The following TECPR1 variants were observed in gnomAD, a reference collection of about 807,000 sequenced individuals.
TECPR1 encodes tectonin beta-propeller repeat containing 1.
In TECPR1, 122 loss-of-function variants were observed where a neutral mutation model predicts 162.4. That is an observed-to-expected ratio of 0.75 (90% CI 0.65 to 0.87). The LOEUF (loss-of-function observed/expected upper bound fraction) is 0.87, where lower values mean the gene tolerates loss of function less well. Among genes scored for constraint, TECPR1 ranks in the 40% least tolerant of loss-of-function variants. The probability of loss-of-function intolerance (pLI) is 0.00; values close to 1 mark genes in which losing one functional copy is unlikely to be tolerated. For missense variants in TECPR1, 1,432 were observed against 1,618.2 expected (o/e 0.88, Z 1.97); for synonymous variants, 642 against 670.6 (o/e 0.96, Z 0.66).
intron 16 of TECPR1, 58 bp from the exon 17 acceptor site, chr7:98,228,174 G>T: frequency 1.5e-6 from 2 of 1,344,194 alleles, no homozygotes; most frequent in Non-Finnish European, 2.1e-6. Context: ...TGGGACTCTG[G>T]CTTTCCGTCT....
In TECPR1 at chr7:98,241,066, C is replaced by T; in HGVS notation, c.832+4G>A. 6.2e-7 allele frequency: 1 copy of T among 1,601,756 alleles called. No homozygotes were observed. The highest frequency in any genetic ancestry group is 2.2e-5 in the East Asian group (1 of 44,486). On this transcript the variant is annotated splice_donor_region_variant and intron_variant, in intron 7 of 25. Transcript: ENST00000447648. This position sits in a 1 kb window ranked among gnomAD's most constrained non-coding sequence, Gnocchi z 5.0. ...TATGTGGGTGGGGGAGCCGGGCTGC[C>T]CACCTTTGGGATTGCTCCTGTTGAT...
At chr7:98,249,760 G>C (rs1241984309) in intron 2 of TECPR1, among the ~76,000 whole-genome samples, 1 of 152,098 alleles carries the variant, frequency 6.6e-6, no homozygotes, top group African/African-American at 2.4e-5. Flanking sequence ...GACCAGCCTG[G>C]CCAACACGGT....
chr7:98,233,695 G>A lies in TECPR1; in HGVS notation c.1398C>T (p.Gly466=), dbSNP rs1798516178. 3 of 1,610,236 alleles carry A rather than the reference G, an allele frequency of 1.9e-6. No individual in the cohort carries two copies. In the East Asian group the frequency reaches 6.7e-5, roughly 36 times the overall value. The change falls in exon 11 of 26, where the codon GGC becomes GGT. Residue 466 remains glycine (G), a synonymous_variant. Transcript: ENST00000447648. ...DTVEDACPAE[G]SREARPNTHP... The stretch of plus-strand genomic sequence containing the variant: ...GCGTGTTGGGTCTGGCCTCCCTGCT[G>A]CCCTCGGCTGGGCAGGCATCTTCCA...
intron 5 of TECPR1, among the ~76,000 whole-genome samples, chr7:98,243,920 G>A (rs371010276): frequency 3.2e-4 from 49 of 152,284 alleles, no homozygotes; most frequent in East Asian, 2.9e-3. Flanking sequence ...AAAGTTAACC[G>A]GGCATGGTGG....
In TECPR1 at chr7:98,244,946, C is replaced by A; in HGVS notation, c.347G>T (p.Trp116Leu). 5.6e-6 allele frequency: 9 copies of A among 1,613,028 alleles called. No homozygotes were observed. The highest frequency in any genetic ancestry group is 7.6e-6 in the Non-Finnish European group (9 of 1,179,878). Residue 116 changes from tryptophan to leucine, a missense_variant, in exon 4 of 26, where the codon TGG becomes TTG. Transcript: ENST00000447648. ...CACGTACCAGTCAGACTCCCACTCC[C>A]AGTGCGGCGAGGGCAGTGCCACCCT... ...LDRVALPSPHWEWESDWYVDE... is the reference protein window; with the variant it reads ...LDRVALPSPHLEWESDWYVDE...
chr7:98,216,561 T>G lies in TECPR1; in HGVS notation c.*829A>C, dbSNP rs74427258. The G allele has an allele frequency of 1.8e-4, 6 of 33,718 alleles. No homozygotes were observed. The highest frequency in any genetic ancestry group is 6.7e-4 in the Admixed American group (3 of 4,464). 2.1% of individuals were successfully genotyped at this position (33,718 alleles called of 1,614,324 possible). A position where few individuals can be genotyped will look rare whatever the true frequency, so the allele number is the denominator to read the frequency against. ...AATCTGCTGTCTCCTTCCTTCACTT[T>G]TTTTTTTTTTTTTTTTTGAGATGGA... On this transcript the variant is annotated 3_prime_UTR_variant, in exon 26 of 26. Coordinates refer to ENST00000447648, the MANE Select transcript of TECPR1 (RefSeq NM_015395.3).
chr7:98,244,804 G>C (rs1267645138), intron 4 of TECPR1, 81 bp downstream of exon 4: 3 of 1,587,362 alleles, frequency 1.9e-6, no homozygotes, highest in Admixed American at 1.7e-5. Flanking sequence ...GGCACCACAG[G>C]GTGCAGGGGA....
At position 98,231,152 on chromosome 7, in the gene TECPR1, G is replaced by A. The variant is rs553608798; in HGVS notation, c.2125-34C>T. 6.9e-6 allele frequency: 11 copies of A among 1,601,492 alleles called. No homozygotes were observed. In the East Asian group the frequency reaches 2.5e-4, roughly 36 times the overall value. On this transcript the variant is annotated intron_variant, in intron 14 of 25. Coordinates refer to ENST00000447648, the MANE Select transcript of TECPR1 (RefSeq NM_015395.3). ...GCACAATGCCGGTCACTGCTGAGCA[G>A]GCCAGGCCAGGCCAGGCCACCCCAC...
In TECPR1 at chr7:98,221,867, G is replaced by A. The variant is rs1004953894; in HGVS notation, c.3065-114C>T. ...TCGGATGTGTAGCCTGGTGTCAGCT[G>A]TGTGCCACACAGAGCTGACACGTGC... On this transcript the variant is annotated intron_variant, in intron 22 of 25. Coordinates refer to ENST00000447648, the MANE Select transcript of TECPR1 (RefSeq NM_015395.3). 5.1e-6 allele frequency: 4 copies of A among 780,328 alleles called. No individual in the cohort carries two copies. In the African/African-American group the frequency reaches 5.2e-5, roughly 10 times the overall value. The allele number at this position is 780,328 out of a possible 1,614,324, so 48.3% of individuals were successfully genotyped here.
At chr7:98,230,370 C>A (rs1310423186) in intron 15 of TECPR1, among the ~76,000 whole-genome samples, 1 of 152,036 alleles carries the variant, frequency 6.6e-6, no homozygotes, top group Non-Finnish European at 1.5e-5. Context: ...CCCAGCCCTG[C>A]CCTCACCCCA....
At position 98,243,484 on chromosome 7, in the gene TECPR1, C is replaced by G; in HGVS notation, c.640G>C (p.Val214Leu). ...EPVGRLSVWAVSLQGKVWYRE... is the reference protein window; with the variant it reads ...EPVGRLSVWALSLQGKVWYRE... ...GGCCTTACCTTGCCCTGCAGAGACA[C>G]AGCCCACACTGACAGGCGGCCCACA... Residue 214 changes from valine to leucine, a missense_variant, in exon 6 of 26, where the codon GTG becomes CTG. Physicochemically the swap from Val to Leu is conservative, Grantham distance 32. Transcript: ENST00000447648. The G allele has an allele frequency of 6.2e-7, 1 of 1,612,560 alleles. No individual in the cohort carries two copies. The highest frequency in any genetic ancestry group is 1.1e-5 in the South Asian group (1 of 91,078).
intron 22 of TECPR1, 91 bp from the exon 23 acceptor site, chr7:98,221,844 G>T (rs1798150609): frequency 1.0e-6 from 1 of 981,698 alleles, no homozygotes; most frequent in Non-Finnish European, 1.6e-6. Flanking sequence ...GCTGCCTCTC[G>T]GATGTGTAGC....
chr7:98,224,951 C>T, intron 18 of TECPR1, 55 bp downstream of exon 18: 1 of 1,533,504 alleles, frequency 6.5e-7, no homozygotes, highest in Non-Finnish European at 8.8e-7. Context: ...CGAGGAGGGG[C>T]AAGGAGGGGT....
intron 6 of TECPR1, 131 bp downstream of exon 6, chr7:98,243,336 A>AAG: frequency 7.8e-7 from 1 of 1,277,770 alleles, no homozygotes; most frequent in Non-Finnish European, 1.1e-6. Context: ...GGAGGAGAGA[A>AAG]AGGCCAGGAG....
chr7:98,243,653 C>T (rs542312151), intron 5 of TECPR1, 61 bp from the exon 6 acceptor site: 383 of 1,552,486 alleles, frequency 2.5e-4, no homozygotes, highest in Non-Finnish European at 3.1e-4. Flanking sequence ...GGGCATGCAC[C>T]CACCTCCCGC....
In TECPR1 at chr7:98,231,736, A is replaced by T. The variant is rs1186637652; in HGVS notation, c.1974+68T>A. 4.7e-6 allele frequency: 7 copies of T among 1,490,492 alleles called. No homozygotes were observed. In the Admixed American group the frequency reaches 1.1e-4, roughly 24 times the overall value. The allele number at this position is 1,490,492 out of a possible 1,614,324, so 92.3% of individuals were successfully genotyped here. A position where few individuals can be genotyped will look rare whatever the true frequency, so the allele number is the denominator to read the frequency against. ...CTCCCCTGGGCACCCCCATTTCTGT[A>T]CCCCTCCTCTAGCACCCCAGCCCTG... On this transcript the variant is annotated intron_variant, in intron 13 of 25. Transcript: ENST00000447648.
chr7:98,248,817 G>C (rs1221862124), intron 2 of TECPR1, among the ~76,000 whole-genome samples: 1 of 151,070 alleles, frequency 6.6e-6, no homozygotes, highest in Admixed American at 6.6e-5. Flanking sequence ...CTGCACTCCA[G>C]CCTGGATGAC....
chr7:98,238,236 C>T (rs111932578), intron 9 of TECPR1, among the ~76,000 whole-genome samples: 2,346 of 152,290 alleles, frequency 0.015, 46 homozygotes, highest in African/African-American at 0.049. Context: ...CGTCTCTGTC[C>T]CTTGGCCCTG....
At chr7:98,219,107 T>C (rs1469486778) in intron 23 of TECPR1, among the ~76,000 whole-genome samples, 1 of 152,154 alleles carries the variant, frequency 6.6e-6, no homozygotes, top group African/African-American at 2.4e-5. Context: ...CAATTGATCT[T>C]TGAGAAAGCA....
Sources: allele counts gnomAD v4.1 joint callset (sites outside exome capture counted in the v4.1 genomes callset), GRCh38; gene constraint gnomAD v4.1.1; non-coding constraint Gnocchi (gnomAD v3.1); transcripts MANE v1.5; gene names NCBI Gene and HGNC (gene_info 2026-07-23, HGNC 2026-07-21).